The following DPP10 variants were observed in gnomAD, a reference collection of about 807,000 sequenced individuals.
DPP10 encodes the protein inactive dipeptidyl peptidase 10.
Under a neutral mutation model 120.9 loss-of-function variants are expected in DPP10, and 33 were observed. The ratio of observed to expected loss-of-function variants is 0.27; its 90% CI spans 0.21 to 0.37. The LOEUF (loss-of-function observed/expected upper bound fraction) is 0.37, where lower values mean the gene tolerates loss of function less well. DPP10 is among the 10% of genes least tolerant of loss of function. The pLI, the probability that DPP10 is intolerant of heterozygous loss-of-function variation, is 1.00. For synonymous variants in DPP10, 337 were observed against 326.1 expected, an observed-to-expected ratio of 1.03 and a Z score of -0.36; for missense variants, 816 against 942.8, an observed-to-expected ratio of 0.87 and a Z score of 1.76.
intron 1 of DPP10, chr2:115,130,941 T>C (rs2050323497): frequency 6.6e-6 from 1 of 152,258 alleles, no homozygotes. Context: ...TTACCTTCAC[T>C]GCAATAATGG....
intron 5 of DPP10, among the ~76,000 whole-genome samples, chr2:115,597,343 CAA>C (rs778311733): frequency 6.6e-6 from 1 of 151,696 alleles, no homozygotes; most frequent in Non-Finnish European, 1.5e-5. Flanking sequence ...TAAGGCAATG[CAA>C]AAGAGACTGA....
intron 17 of DPP10, among the ~76,000 whole-genome samples, chr2:115,785,602 C>T (rs1458177343): frequency 6.6e-6 from 1 of 152,064 alleles, no homozygotes; most frequent in Admixed American, 6.6e-5. Flanking sequence ...ACTTCTTGTA[C>T]GTTTTTTAGT....
chr2:114,525,424 T>A (rs909347027), intron 1 of DPP10, among the ~76,000 whole-genome samples: 1 of 152,156 alleles, frequency 6.6e-6, no homozygotes, highest in Non-Finnish European at 1.5e-5. Context: ...ACACATGTGT[T>A]AAAAGTGTAG....
At chr2:115,059,981 T>C (rs1249221721) in intron 1 of DPP10, among the ~76,000 whole-genome samples, 1 of 152,228 alleles carries the variant, frequency 6.6e-6, no homozygotes, top group East Asian at 1.9e-4. Context: ...GGATGATGCG[T>C]GCACATCTTT....
chr2:115,103,178 TTCTC>T (rs1203106002), intron 1 of DPP10, among the ~76,000 whole-genome samples: 1 of 149,942 alleles, frequency 6.7e-6, no homozygotes, highest in African/African-American at 2.4e-5. Context: ...ATGATTCTGA[TTCTC>T]TCTTTTTTTT....
chr2:114,574,253 G>A (rs1412562916), intron 1 of DPP10, among the ~76,000 whole-genome samples: 2 of 152,106 alleles, frequency 1.3e-5, no homozygotes, highest in Non-Finnish European at 2.9e-5. Flanking sequence ...AAATTCATAG[G>A]TTTTTCCCCC....
intron 5 of DPP10, among the ~76,000 whole-genome samples, chr2:115,574,128 GA>G (rs1174446645): frequency 6.6e-6 from 1 of 151,966 alleles, no homozygotes; most frequent in Non-Finnish European, 1.5e-5. Flanking sequence ...CCACTTCACT[GA>G]CTTCCCCGTT....
intron 1 of DPP10, among the ~76,000 whole-genome samples, chr2:114,916,772 C>T (rs1694837573): frequency 6.6e-6 from 1 of 152,158 alleles, no homozygotes; most frequent in Admixed American, 6.6e-5. Context: ...ATTCCACATC[C>T]CTTCATGATA....
chr2:115,748,026 T>G (rs980333306), intron 10 of DPP10, among the ~76,000 whole-genome samples: 2 of 152,082 alleles, frequency 1.3e-5, no homozygotes, highest in Admixed American at 1.3e-4. Context: ...TTTACCTATT[T>G]GTATAAATAT....
intron 1 of DPP10, among the ~76,000 whole-genome samples, chr2:114,765,864 C>T (rs898293527): frequency 1.3e-5 from 2 of 152,110 alleles, no homozygotes; most frequent in South Asian, 4.2e-4. Context: ...CAGTAACAAC[C>T]TCTGGCTCCA....
chr2:115,043,799 C>G (rs77394172), intron 1 of DPP10, among the ~76,000 whole-genome samples: 2 of 152,212 alleles, frequency 1.3e-5, no homozygotes, highest in East Asian at 3.9e-4. Context: ...TATCAAAGCT[C>G]CTTCTCTTTA....
intron 5 of DPP10, among the ~76,000 whole-genome samples, chr2:115,598,195 T>C (rs2083102350): frequency 6.6e-6 from 1 of 151,954 alleles, no homozygotes; most frequent in African/African-American, 2.4e-5. Flanking sequence ...GGCCTTTTTT[T>C]TAATATTTGA....
chr2:115,097,695 G>A (rs1231236694), intron 1 of DPP10, among the ~76,000 whole-genome samples: 1 of 152,170 alleles, frequency 6.6e-6, no homozygotes, highest in Non-Finnish European at 1.5e-5. Context: ...CTCTTCCTAG[G>A]ATAGAATATA....
intron 4 of DPP10, among the ~76,000 whole-genome samples, chr2:115,525,265 ATG>A (rs2078058244): frequency 1.3e-5 from 2 of 152,102 alleles, no homozygotes; most frequent in Non-Finnish European, 2.9e-5. Flanking sequence ...TCTACCTTGA[ATG>A]TATTTGTTTC....
intron 19 of DPP10, among the ~76,000 whole-genome samples, chr2:115,809,313 A>G (rs1326137100): frequency 6.6e-6 from 1 of 152,224 alleles, no homozygotes; most frequent in Non-Finnish European, 1.5e-5. Flanking sequence ...AGATACACAT[A>G]TGCTGCAACT....
chr2:115,128,300 A>G (rs1037322796), intron 1 of DPP10, among the ~76,000 whole-genome samples: 2 of 152,116 alleles, frequency 1.3e-5, no homozygotes, highest in Admixed American at 6.5e-5. Context: ...CCAGCCCAGA[A>G]TATCTTATTT....
intron 1 of DPP10, among the ~76,000 whole-genome samples, chr2:114,818,713 TCTG>T (rs1392020209): frequency 6.6e-6 from 1 of 152,122 alleles, no homozygotes; most frequent in Non-Finnish European, 1.5e-5. Flanking sequence ...GTAGATGACA[TCTG>T]CTGGAATGAA....
intron 2 of DPP10, among the ~76,000 whole-genome samples, chr2:115,316,317 T>G (rs1178240600): frequency 3.9e-5 from 6 of 152,212 alleles, no homozygotes; most frequent in Non-Finnish European, 8.8e-5. Context: ...TGTGTCATAA[T>G]CCTTGTAATA....
Position 115,534,148 on chromosome 2 carries a change from T to C in DPP10, c.441+8176T>C, listed in dbSNP as rs559795288. On this transcript the variant is annotated intron_variant, in intron 5 of 25. Transcript: ENST00000410059. ...ATTATACTTCAAGTTTTAGGGTACA[T>C]GTGCACAATGTGCAGGTTAGTTACA... Among the ~76,000 whole-genome samples the C allele has an allele frequency of 7.8e-4, 118 of 152,140 alleles. 1 individual carries two copies. Among genetic ancestry groups the C allele is most frequent in the African/African-American group, 2.6e-3 (110 of 41,512 alleles).
Sources: allele counts gnomAD v4.1 joint callset (sites outside exome capture counted in the v4.1 genomes callset), GRCh38; gene constraint gnomAD v4.1.1; transcripts MANE v1.5; gene names NCBI Gene and HGNC (gene_info 2026-07-23, HGNC 2026-07-21).